Variants in FAM135B observed in about 807,000 individuals in gnomAD.
FAM135B encodes the protein protein FAM135B.
A neutral mutation model predicts 127.7 loss-of-function variants in FAM135B; 43 were observed. That is an observed-to-expected ratio of 0.34 (90% CI 0.26 to 0.43). FAM135B has a LOEUF of 0.43. Ranked by LOEUF, FAM135B falls within the 20% of genes least tolerant of loss-of-function variation. The pLI, the probability that FAM135B is intolerant of heterozygous loss-of-function variation, is 1.00. For synonymous variants in FAM135B, 670 were observed against 665.1 expected (o/e 1.01, Z -0.11); for missense variants, 1,558 against 1,725.6 (o/e 0.90, Z 1.72).
chr8:138,273,139 A>G (rs887810262), intron 3 of FAM135B, among the ~76,000 whole-genome samples: 2 of 152,214 alleles, frequency 1.3e-5, no homozygotes, highest in Non-Finnish European at 2.9e-5. Context: ...CAAATTATCC[A>G]GCATAGAATT....
intron 1 of FAM135B, among the ~76,000 whole-genome samples, chr8:138,393,506 G>A (rs2042538836): frequency 6.6e-6 from 1 of 152,042 alleles, no homozygotes; most frequent in South Asian, 2.1e-4. Context: ...AATGGTGCTA[G>A]GTCCTCTCTG....
At chr8:138,341,071 CAGA>C (rs1474424575) in intron 2 of FAM135B, among the ~76,000 whole-genome samples, 1 of 152,102 alleles carries the variant, frequency 6.6e-6, no homozygotes, top group Non-Finnish European at 1.5e-5. Context: ...GGTATAAACC[CAGA>C]AGAAGTAGAA....
At chr8:138,204,298 T>G (rs1396523210) in intron 7 of FAM135B, among the ~76,000 whole-genome samples, 1 of 152,232 alleles carries the variant, frequency 6.6e-6, no homozygotes, top group Non-Finnish European at 1.5e-5. Context: ...AGGTCAAATG[T>G]CACCTCCTCT....
At chr8:138,155,295 G>C (rs974308058) in intron 12 of FAM135B, among the ~76,000 whole-genome samples, 153 of 152,292 alleles carry the variant, frequency 1.0e-3, no homozygotes, top group African/African-American at 3.7e-3. Flanking sequence ...CCTGAAGGAA[G>C]CACTAAACAT....
At chr8:138,216,827 C>T (rs1019309150) in intron 7 of FAM135B, among the ~76,000 whole-genome samples, 4 of 152,106 alleles carry the variant, frequency 2.6e-5, no homozygotes, top group African/African-American at 9.7e-5. Flanking sequence ...TAGCCTAACC[C>T]ATGTTCTTGA....
chr8:138,492,902 T>A (rs1322406819), intron 1 of FAM135B, among the ~76,000 whole-genome samples: 1 of 152,130 alleles, frequency 6.6e-6, no homozygotes, highest in Non-Finnish European at 1.5e-5. Flanking sequence ...CCCAACTACA[T>A]ATTAAGCTCT....
At chr8:138,184,211 C>A (rs1030107697) in intron 9 of FAM135B, among the ~76,000 whole-genome samples, 1 of 152,104 alleles carries the variant, frequency 6.6e-6, no homozygotes, top group African/African-American at 2.4e-5. Flanking sequence ...ACTGTTTTTG[C>A]CCCCTGAAGG....
rs927966226 is a variant in FAM135B at position 138,242,867 on chromosome 8, A to G, written c.669+75T>C. ...TCTGAAGGGGATGTTTCAAAGAAGC[A>G]TGAATCTCATAGAACATACACTCTG... On this transcript the variant is annotated intron_variant, in intron 7 of 19. Coordinates refer to ENST00000395297, the MANE Select transcript of FAM135B (RefSeq NM_015912.4). The surrounding 1 kb of genome is among the most constrained non-coding windows in gnomAD (Gnocchi z 9.6). 63 of 1,519,124 alleles carry G rather than the reference A, an allele frequency of 4.1e-5. No individual in the cohort carries two copies. The highest frequency in any genetic ancestry group is 2.0e-4 in the Admixed American group (9 of 45,144). The allele number at this position is 1,519,124 out of a possible 1,614,324, so 94.1% of individuals were successfully genotyped here.
chr8:138,216,776 G>C (rs1374008626), intron 7 of FAM135B, among the ~76,000 whole-genome samples: 1 of 152,138 alleles, frequency 6.6e-6, no homozygotes, highest in Non-Finnish European at 1.5e-5. Flanking sequence ...TAATCCACAG[G>C]AATCTTTGAC....
rs1277596812 is a variant in FAM135B, at chr8:138,242,242, T to C, written c.669+700A>G. 4.7e-5 allele frequency among the ~76,000 whole-genome samples: 7 copies of C among 147,796 alleles called. No homozygotes were observed. The highest frequency in any genetic ancestry group is 1.5e-4 in the African/African-American group (6 of 39,994). ...GTTCTATTGGCTGTATTGGTCCTGT[T>C]TCTCTGGAGAACCCTGAATAATACA... On this transcript the variant is annotated intron_variant, in intron 7 of 19. Coordinates refer to ENST00000395297, the MANE Select transcript of FAM135B (RefSeq NM_015912.4). This position sits in a 1 kb window ranked among gnomAD's most constrained non-coding sequence, Gnocchi z 9.6.
chr8:138,407,475 G>A (rs1334787440), intron 1 of FAM135B, among the ~76,000 whole-genome samples: 2 of 152,108 alleles, frequency 1.3e-5, no homozygotes, highest in East Asian at 3.9e-4. Flanking sequence ...AAAGAACAAA[G>A]CCGGAGGCAT....
intron 1 of FAM135B, among the ~76,000 whole-genome samples, chr8:138,494,852 A>C (rs1815333094): frequency 6.7e-6 from 1 of 150,036 alleles, no homozygotes; most frequent in Non-Finnish European, 1.5e-5. Context: ...AAAAAAAAAA[A>C]CTTAATCCAC....
intron 1 of FAM135B, among the ~76,000 whole-genome samples, chr8:138,429,972 T>G (rs1022454801): frequency 2.0e-5 from 3 of 152,166 alleles, no homozygotes; most frequent in Non-Finnish European, 4.4e-5. Context: ...TCTTTGTTGG[T>G]TTTGTTTTAT....
chr8:138,270,653 T>C (rs1823309314), intron 3 of FAM135B, among the ~76,000 whole-genome samples: 1 of 152,260 alleles, frequency 6.6e-6, no homozygotes, highest in African/African-American at 2.4e-5. Context: ...TATTTCTGCA[T>C]CATCCCATTG....
chr8:138,340,137 T>C (rs1472465125), intron 2 of FAM135B, among the ~76,000 whole-genome samples: 2 of 152,126 alleles, frequency 1.3e-5, no homozygotes, highest in Non-Finnish European at 2.9e-5. Flanking sequence ...AAGTCTGGAA[T>C]AACTGCAGCG....
chr8:138,331,489 G>A (rs540377243), intron 2 of FAM135B, among the ~76,000 whole-genome samples: 2 of 152,168 alleles, frequency 1.3e-5, no homozygotes, highest in Non-Finnish European at 2.9e-5. Flanking sequence ...GAGGTCCAGA[G>A]AAGTTGACTG....
rs144348376 is a variant in FAM135B at position 138,257,093 on chromosome 8, G to T, written c.298-334C>A. On this transcript the variant is annotated intron_variant, in intron 4 of 19. Transcript: ENST00000395297. The stretch of plus-strand genomic sequence containing the variant: ...GAATCCCATCTGGGGCAAGAGTAAA[G>T]TGTTCTGTAGCACCTGCTCTGGGAA... Among the ~76,000 whole-genome samples, 5 of 152,264 alleles carry T rather than the reference G, an allele frequency of 3.3e-5. No homozygotes were observed. The East Asian group carries it at 9.7e-4, about 30-fold the overall frequency.
rs375048996 is a variant in FAM135B, at chr8:138,217,575, C to T, written c.670-19906G>A. Among the ~76,000 whole-genome samples the T allele has an allele frequency of 2.0e-3, 306 of 151,864 alleles. 4 individuals carry two copies. Among genetic ancestry groups the T allele is most frequent in the East Asian group, 8.0e-3 (41 of 5,142 alleles). On this transcript the variant is annotated intron_variant, in intron 7 of 19. Coordinates refer to ENST00000395297, the MANE Select transcript of FAM135B (RefSeq NM_015912.4). ...CCTCCCGAGTAGCTGGGACTACAGG[C>T]GCCCACCGCCACACCCAGCTAATTT...
intron 1 of FAM135B, among the ~76,000 whole-genome samples, chr8:138,442,024 T>A (rs79164675): frequency 6.6e-6 from 1 of 151,640 alleles, no homozygotes; most frequent in African/African-American, 2.4e-5. Context: ...ATATTTTGTA[T>A]GTCAAGTTCT....
Sources: gnomAD v4.1 joint callset for allele counts (sites outside exome capture counted in the v4.1 genomes callset) on GRCh38, gnomAD v4.1.1 for gene constraint, Gnocchi (gnomAD v3.1) non-coding constraint, MANE v1.5 for transcripts, NCBI Gene and HGNC (gene_info 2026-07-23, HGNC 2026-07-21) for gene names.